The following GLG1 variants were observed in gnomAD, a reference collection of about 807,000 sequenced individuals.
GLG1 encodes the protein Golgi apparatus protein 1.
In GLG1, 38 loss-of-function variants were observed where a neutral mutation model predicts 160.5. The ratio of observed to expected loss-of-function variants is 0.24; its 90% CI spans 0.18 to 0.31. The LOEUF (loss-of-function observed/expected upper bound fraction) is 0.31. GLG1 is among the 10% of genes least tolerant of loss of function. The pLI is 1.00. For synonymous variants in GLG1, 644 were observed against 543.4 expected, an observed-to-expected ratio of 1.19 and a Z score of -2.57; for missense variants, 1,373 against 1,505.2, an observed-to-expected ratio of 0.91 and a Z score of 1.45.
chr16:74,560,926 A>G (rs915285176), intron 1 of GLG1, among the ~76,000 whole-genome samples: 2 of 151,230 alleles, frequency 1.3e-5, no homozygotes, highest in Non-Finnish European at 2.9e-5. Context: ...AAGGAAAGCT[A>G]TAAAGGCATA....
intron 1 of GLG1, among the ~76,000 whole-genome samples, chr16:74,591,576 C>T (rs370780501): frequency 6.6e-6 from 1 of 151,884 alleles, no homozygotes; most frequent in Non-Finnish European, 1.5e-5. Context: ...TGCAGTGAGC[C>T]GAAATCGCAC....
chr16:74,457,125 T>C (rs189701708), intron 24 of GLG1, among the ~76,000 whole-genome samples: 87 of 152,328 alleles, frequency 5.7e-4, no homozygotes, highest in Non-Finnish European at 1.1e-3. Context: ...CTGGGCATAG[T>C]GGCTTATGCC....
In GLG1 at chr16:74,554,635, A is replaced by C. The variant is rs542788713; in HGVS notation, c.439-22482T>G. Among the ~76,000 whole-genome samples, 9 of 152,370 alleles carry C rather than the reference A, an allele frequency of 5.9e-5. No homozygotes were observed. The South Asian group carries it at 1.7e-3, about 28-fold the overall frequency. ...AAATTGAGCAGATGGGACTTCATTA[A>C]ATCACGATGAAAATGAACAGCCAAG... On this transcript the variant is annotated intron_variant, in intron 1 of 25. Coordinates refer to ENST00000422840, the MANE Select transcript of GLG1 (RefSeq NM_001145667.2).
chr16:74,584,731 C>T (rs975300324), intron 1 of GLG1, among the ~76,000 whole-genome samples: 3 of 152,058 alleles, frequency 2.0e-5, no homozygotes, highest in African/African-American at 7.2e-5. Flanking sequence ...CCCTGGCCAA[C>T]ATGATGAAAC....
At chr16:74,570,771 A>C (rs372575579) in intron 1 of GLG1, among the ~76,000 whole-genome samples, 2 of 152,184 alleles carry the variant, frequency 1.3e-5, no homozygotes, top group Non-Finnish European at 2.9e-5. Flanking sequence ...GCCTACAGAC[A>C]CAGCCACTTG....
chr16:74,570,747 G>T (rs929105027), intron 1 of GLG1, among the ~76,000 whole-genome samples: 1 of 152,126 alleles, frequency 6.6e-6, no homozygotes, highest in African/African-American at 2.4e-5. Flanking sequence ...AATCAGCCAG[G>T]TGTGGTGGCA....
At chr16:74,534,299 T>C (rs2017626689) in intron 1 of GLG1, among the ~76,000 whole-genome samples, 2 of 152,206 alleles carry the variant, frequency 1.3e-5, no homozygotes, top group Admixed American at 6.5e-5. Context: ...TATCTCTTAA[T>C]AGTTTATTTA....
intron 1 of GLG1, among the ~76,000 whole-genome samples, chr16:74,572,520 A>C (rs1014994089): frequency 6.8e-5 from 10 of 147,204 alleles, no homozygotes; most frequent in Non-Finnish European, 7.6e-5. Flanking sequence ...CTCAAAAAAA[A>C]AACAAACAAA....
In GLG1 at chr16:74,483,139, T is replaced by C. The variant is rs778614321; in HGVS notation, c.1572-15A>G. 5 of 1,407,416 alleles carry C rather than the reference T, an allele frequency of 3.6e-6. No homozygotes were observed. Among genetic ancestry groups the C allele is most frequent in the Non-Finnish European group, 5.0e-6 (5 of 991,968 alleles). 87.2% of individuals were successfully genotyped at this position (1,407,416 alleles called of 1,614,324 possible). On this transcript the variant is annotated splice_polypyrimidine_tract_variant and intron_variant, in intron 9 of 25. Transcript: ENST00000422840. ...ACGACAAGATCCTAGCCATTAAATG[T>C]GTAAAATTGTAACAAGAGAGAAGTG...
At chr16:74,521,005 C>A (rs568148371) in intron 2 of GLG1, among the ~76,000 whole-genome samples, 11 of 152,104 alleles carry the variant, frequency 7.2e-5, no homozygotes, top group Non-Finnish European at 1.6e-4. Context: ...TAAGCTAGGG[C>A]AAGGTGAATT....
chr16:74,574,942 C>T (rs1433490908), intron 1 of GLG1, among the ~76,000 whole-genome samples: 3 of 100,722 alleles, frequency 3.0e-5, no homozygotes, highest in African/African-American at 1.2e-4. Context: ...CAGGAGGAAT[C>T]CATATAAAGA....
intron 1 of GLG1, among the ~76,000 whole-genome samples, chr16:74,550,209 T>C (rs1047751269): frequency 6.6e-5 from 10 of 152,158 alleles, no homozygotes; most frequent in Non-Finnish European, 1.5e-4. Flanking sequence ...TTTCCTTTCT[T>C]GCAGCTGTCA....
chr16:74,515,706 A>T (rs2016956983), intron 2 of GLG1, among the ~76,000 whole-genome samples: 1 of 151,652 alleles, frequency 6.6e-6, no homozygotes, highest in South Asian at 2.1e-4. Context: ...GTATAATTTT[A>T]AAAAATGTAA....
intron 22 of GLG1, among the ~76,000 whole-genome samples, chr16:74,460,837 G>A (rs1484245541): frequency 3.3e-5 from 5 of 152,216 alleles, no homozygotes; most frequent in East Asian, 1.9e-4. Context: ...ACAGGAGCAA[G>A]GTTATATATA....
intron 2 of GLG1, among the ~76,000 whole-genome samples, chr16:74,529,452 T>G (rs1288189768): frequency 6.6e-6 from 1 of 152,196 alleles, no homozygotes; most frequent in African/African-American, 2.4e-5. Flanking sequence ...AATATTTTAT[T>G]TTCCTCTATT....
chr16:74,579,808 T>G (rs1311208060), intron 1 of GLG1, among the ~76,000 whole-genome samples: 1 of 152,176 alleles, frequency 6.6e-6, no homozygotes, highest in Non-Finnish European at 1.5e-5. Flanking sequence ...CTCACGCCTG[T>G]AATCCCAGCA....
chr16:74,503,452 T>C lies in GLG1; in HGVS notation c.774+79A>G, dbSNP rs931435890. On this transcript the variant is annotated intron_variant, in intron 4 of 25. Coordinates refer to ENST00000422840, the MANE Select transcript of GLG1 (RefSeq NM_001145667.2). The stretch of plus-strand genomic sequence containing the variant: ...TTAAGGTCACTCCAGTCCTAAATTT[T>C]TCCCATGTCAGTTATACAAAGCTTT... 3.8e-5 allele frequency: 36 copies of C among 946,742 alleles called. 1 individual carries two copies. In the African/African-American group the frequency reaches 5.7e-4, roughly 15 times the overall value. The allele number at this position is 946,742 out of a possible 1,614,324, so 58.6% of individuals were successfully genotyped here.
At chr16:74,453,523 T>C (rs917861165) in intron 25 of GLG1, among the ~76,000 whole-genome samples, 189 bp from the exon 26 acceptor site, 7 of 152,210 alleles carry the variant, frequency 4.6e-5, no homozygotes, top group Non-Finnish European at 8.8e-5. Context: ...TACACACGTC[T>C]ACTGCACAAA....
intron 1 of GLG1, among the ~76,000 whole-genome samples, chr16:74,544,617 T>C (rs2017993887): frequency 6.6e-6 from 1 of 152,196 alleles, no homozygotes; most frequent in African/African-American, 2.4e-5. Context: ...GGCGACCCTC[T>C]TGCCTTACTT....
Sources: gnomAD v4.1 joint callset for allele counts (sites outside exome capture counted in the v4.1 genomes callset) on GRCh38, gnomAD v4.1.1 for gene constraint, MANE v1.5 for transcripts, NCBI Gene and HGNC (gene_info 2026-07-23, HGNC 2026-07-21) for gene names.